The following SYN3 variants were observed in gnomAD, a reference collection of about 807,000 sequenced individuals.
SYN3 encodes the protein synapsin-3.
Under a neutral mutation model 65.8 loss-of-function variants are expected in SYN3, and 35 were observed. The observed-to-expected ratio is 0.53, with a 90% confidence interval of 0.41 to 0.70. The LOEUF is 0.70. Ranked by LOEUF, SYN3 falls within the 30% of genes least tolerant of loss-of-function variation. The pLI is 0.00. For synonymous variants in SYN3, 270 were observed against 292.9 expected (o/e 0.92, Z 0.80); for missense variants, 680 against 749.0 (o/e 0.91, Z 1.08).
chr22:32,575,263 G>A (rs1454128818), intron 7 of SYN3, among the ~76,000 whole-genome samples: 1 of 152,250 alleles, frequency 6.6e-6, no homozygotes, highest in Non-Finnish European at 1.5e-5. Flanking sequence ...GAAGCATTGG[G>A]TGGAAGGTTG....
At chr22:32,767,713 T>C (rs2145754731) in intron 6 of SYN3, among the ~76,000 whole-genome samples, 1 of 152,340 alleles carries the variant, frequency 6.6e-6, no homozygotes, top group African/African-American at 2.4e-5. Context: ...TAGACTGTAA[T>C]CTTTCTTTCT....
intron 3 of SYN3, among the ~76,000 whole-genome samples, chr22:32,959,446 G>A (rs2051575125): frequency 6.6e-6 from 1 of 151,986 alleles, no homozygotes; most frequent in African/African-American, 2.4e-5. Flanking sequence ...AGCTACTTGG[G>A]AGGCTGAGGC....
At chr22:32,534,019 C>A in intron 9 of SYN3, 124 bp from the exon 10 acceptor site, 1 of 619,868 alleles carries the variant, frequency 1.6e-6, no homozygotes, top group Non-Finnish European at 3.0e-6. Flanking sequence ...ATCCAGACGG[C>A]GATGGAGAGA....
intron 6 of SYN3, among the ~76,000 whole-genome samples, chr22:32,608,537 T>C (rs1307415331): frequency 6.6e-6 from 1 of 152,260 alleles, no homozygotes; most frequent in Non-Finnish European, 1.5e-5. Context: ...AAAGTACTGT[T>C]GTCTTGGTAT....
At chr22:32,928,364 C>T (rs528430785) in intron 4 of SYN3, among the ~76,000 whole-genome samples, 2 of 152,112 alleles carry the variant, frequency 1.3e-5, no homozygotes, top group Non-Finnish European at 2.9e-5. Context: ...GCATTTATTA[C>T]CCCTAACCTA....
At chr22:32,979,448 T>C (rs1036644453) in intron 3 of SYN3, among the ~76,000 whole-genome samples, 5 of 152,154 alleles carry the variant, frequency 3.3e-5, no homozygotes, top group African/African-American at 1.2e-4. Flanking sequence ...AGTGTAGGTG[T>C]TTTAATATTA....
chr22:32,757,713 A>T (rs796146656), intron 6 of SYN3, among the ~76,000 whole-genome samples: 3 of 152,328 alleles, frequency 2.0e-5, no homozygotes, highest in African/African-American at 7.2e-5. Context: ...GGAGGCAAGG[A>T]AGAGTATGTG....
intron 3 of SYN3, among the ~76,000 whole-genome samples, chr22:32,944,807 C>T (rs2051054401): frequency 6.6e-6 from 1 of 152,162 alleles, no homozygotes; most frequent in Non-Finnish European, 1.5e-5. Context: ...ATCGTCTCAG[C>T]CCAAAATCTC....
At position 32,802,053 on chromosome 22, in the gene SYN3, G is replaced by T. The variant is rs1324470172; in HGVS notation, c.711+62862C>A. The stretch of plus-strand genomic sequence containing the variant: ...GCTCCTGGGCAGCTGGAGCCTGGGG[G>T]ACTGGGGCGCCGAGGCGTGCACATG... On this transcript the variant is annotated intron_variant, in intron 6 of 13. Coordinates refer to ENST00000358763, the MANE Select transcript of SYN3 (RefSeq NM_003490.4). 7 of 1,577,050 alleles carry T rather than the reference G, an allele frequency of 4.4e-6. No individual in the cohort carries two copies. The highest frequency in any genetic ancestry group is 3.3e-4 in the Middle Eastern group (2 of 6,028).
intron 6 of SYN3, among the ~76,000 whole-genome samples, chr22:32,775,109 G>A (rs1371979766): frequency 6.6e-6 from 1 of 152,192 alleles, no homozygotes; most frequent in African/African-American, 2.4e-5. Context: ...GGCTCTGGCT[G>A]GTGAGGGCTC....
chr22:32,655,763 A>G (rs1601852392), intron 6 of SYN3, among the ~76,000 whole-genome samples: 1 of 152,208 alleles, frequency 6.6e-6, no homozygotes, highest in Non-Finnish European at 1.5e-5. Context: ...GGTGAGTTGT[A>G]TAATTATTTC....
intron 6 of SYN3, among the ~76,000 whole-genome samples, chr22:32,625,500 T>C (rs1292569221): frequency 1.3e-5 from 2 of 152,226 alleles, no homozygotes; most frequent in Non-Finnish European, 2.9e-5. Context: ...TCTCAGTACA[T>C]GACACGGCCT....
intron 6 of SYN3, among the ~76,000 whole-genome samples, chr22:32,842,963 C>T (rs1306824368): frequency 6.6e-6 from 1 of 152,182 alleles, no homozygotes; most frequent in East Asian, 1.9e-4. Context: ...TATCAATCTT[C>T]TTCTCTGATC....
chr22:32,746,564 G>A (rs1282230707), intron 6 of SYN3, among the ~76,000 whole-genome samples: 1 of 152,218 alleles, frequency 6.6e-6, no homozygotes, highest in Non-Finnish European at 1.5e-5. Flanking sequence ...ATGTGACTGG[G>A]TGAGGGTTGG....
chr22:32,885,161 CA>C (rs5845046), intron 4 of SYN3, among the ~76,000 whole-genome samples: 35,080 of 143,384 alleles, frequency 0.24, 4,277 homozygotes, highest in Middle Eastern at 0.33. Flanking sequence ...GAGTTGGGTG[CA>C]AAAAAAAAAA....
chr22:32,998,988 C>G (rs1227595076), intron 2 of SYN3, among the ~76,000 whole-genome samples: 1 of 152,072 alleles, frequency 6.6e-6, no homozygotes, highest in Non-Finnish European at 1.5e-5. Context: ...ATGCCCAGTA[C>G]AAGTTATCCT....
intron 12 of SYN3, chr22:32,527,672 A>C (rs1463304141): frequency 4.9e-6 from 2 of 404,842 alleles, no homozygotes; most frequent in Non-Finnish European, 8.8e-6. Context: ...GTGAGAAAAT[A>C]GGTGGGACAT....
intron 5 of SYN3, 86 bp downstream of exon 5, chr22:32,868,880 C>A: frequency 7.5e-7 from 1 of 1,337,788 alleles, no homozygotes; most frequent in Non-Finnish European, 1.0e-6. Context: ...ACTGAGGCCT[C>A]CATGCTGGGG....
rs1358599071 is a variant in SYN3, at chr22:32,801,629, G to A, written c.711+63286C>T. On this transcript the variant is annotated intron_variant, in intron 6 of 13. Coordinates refer to ENST00000358763, the MANE Select transcript of SYN3 (RefSeq NM_003490.4). The surrounding 1 kb of genome is among the most constrained non-coding windows in gnomAD (Gnocchi z 4.7). ...ATGCGGCTCTGCCATTGGTCTGAGG[G>A]GGCGGGCCCCAACAGCCCGAGGCGG... is the stretch of plus-strand genomic sequence containing the variant. The A allele has an allele frequency of 6.3e-6, 1 of 157,962 alleles. No individual in the cohort carries two copies. Among genetic ancestry groups the A allele is most frequent in the Non-Finnish European group, 1.4e-5 (1 of 72,390 alleles). The allele number at this position is 157,962 out of a possible 1,614,324, so 9.8% of individuals were successfully genotyped here. A position where few individuals can be genotyped will look rare whatever the true frequency, so the allele number is the denominator to read the frequency against.
Sources: allele counts gnomAD v4.1 joint callset (sites outside exome capture counted in the v4.1 genomes callset), GRCh38; gene constraint gnomAD v4.1.1; non-coding constraint Gnocchi (gnomAD v3.1); transcripts MANE v1.5; gene names NCBI Gene and HGNC (gene_info 2026-07-23, HGNC 2026-07-21).